Variants in SLC9A9 observed in about 807,000 individuals in gnomAD.
The protein encoded by SLC9A9 is solute carrier family 9 member A9, also known as sodium/hydrogen exchanger 9.
SLC9A9 carries 62 observed loss-of-function variants against 77.8 expected under a neutral mutation model. That is an observed-to-expected ratio of 0.80 (90% CI 0.65 to 0.98). The LOEUF (loss-of-function observed/expected upper bound fraction) is 0.98, where lower values mean the gene tolerates loss of function less well. SLC9A9 is among the 50% of genes least tolerant of loss of function. The pLI is 0.00. For synonymous variants in SLC9A9, 320 were observed against 283.5 expected (o/e 1.13, Z -1.29); for missense variants, 775 against 774.9 (o/e 1.00, Z 0.00).
intron 4 of SLC9A9, among the ~76,000 whole-genome samples, chr3:143,712,025 C>T (rs1934210394): frequency 6.6e-6 from 1 of 152,302 alleles, no homozygotes; most frequent in African/African-American, 2.4e-5. Context: ...GCAACCTACC[C>T]ACTAATCCCT....
At chr3:143,585,963 C>T (rs1044174153) in intron 6 of SLC9A9, among the ~76,000 whole-genome samples, 1 of 152,248 alleles carries the variant, frequency 6.6e-6, no homozygotes, top group Admixed American at 6.5e-5. Context: ...CAGCCTCTGT[C>T]CTTGCAGGTG....
Position 143,265,901 on chromosome 3 carries a change from C to A in SLC9A9, c.*801G>T, listed in dbSNP as rs1937696862. The stretch of plus-strand genomic sequence containing the variant: ...CAGCATATCGCGGGGAGGGGGGGAC[C>A]TGCTGCACAGCCAAGAAGTGACTCA... On this transcript the variant is annotated 3_prime_UTR_variant, in exon 16 of 16. Coordinates refer to ENST00000316549, the MANE Select transcript of SLC9A9 (RefSeq NM_173653.4). The A allele has an allele frequency of 1.6e-6, 1 of 611,730 alleles. No individual in the cohort carries two copies. 37.9% of individuals were successfully genotyped at this position (611,730 alleles called of 1,614,324 possible).
In SLC9A9 at chr3:143,392,230, C is replaced by T. The variant is rs181509906; in HGVS notation, c.1470-10116G>A. Among the ~76,000 whole-genome samples the T allele has an allele frequency of 4.8e-3, 724 of 152,220 alleles. 3 individuals are homozygous for T. The highest frequency in any genetic ancestry group is 0.016 in the African/African-American group (683 of 41,524). ...GGTCGGGTTACCCACAAAGGGAAGC[C>T]CATCAGACTAACAGCTGATGTTTCA... On this transcript the variant is annotated intron_variant, in intron 12 of 15. Coordinates refer to ENST00000316549, the MANE Select transcript of SLC9A9 (RefSeq NM_173653.4).
At chr3:143,566,723 G>A (rs1450111194) in intron 8 of SLC9A9, among the ~76,000 whole-genome samples, 2 of 152,084 alleles carry the variant, frequency 1.3e-5, no homozygotes, top group Non-Finnish European at 2.9e-5. Flanking sequence ...AAAAATGGAA[G>A]CTGTCTTTAT....
intron 2 of SLC9A9, among the ~76,000 whole-genome samples, chr3:143,827,160 A>T (rs2009320335): frequency 6.6e-6 from 1 of 152,240 alleles, no homozygotes; most frequent in South Asian, 2.1e-4. Context: ...ACATTTTGGT[A>T]TTCCTAAATA....
At chr3:143,680,878 T>G (rs1395701720) in intron 5 of SLC9A9, among the ~76,000 whole-genome samples, 2 of 152,190 alleles carry the variant, frequency 1.3e-5, no homozygotes, top group African/African-American at 4.8e-5. Flanking sequence ...TAAGTTCCCA[T>G]GCCCTCTAGC....
intron 8 of SLC9A9, among the ~76,000 whole-genome samples, chr3:143,570,505 A>T (rs1380748381): frequency 6.6e-6 from 1 of 152,186 alleles, no homozygotes; most frequent in Non-Finnish European, 1.5e-5. Context: ...AGGCAGTTAC[A>T]TAAATAAAAA....
intron 12 of SLC9A9, among the ~76,000 whole-genome samples, chr3:143,430,891 G>A (rs943923099): frequency 6.6e-6 from 1 of 152,120 alleles, no homozygotes; most frequent in Non-Finnish European, 1.5e-5. Context: ...CTGACATGCT[G>A]CTCTCTTCCT....
At chr3:143,735,348 A>G (rs1934914127) in intron 4 of SLC9A9, among the ~76,000 whole-genome samples, 1 of 152,202 alleles carries the variant, frequency 6.6e-6, no homozygotes, top group African/African-American at 2.4e-5. Flanking sequence ...GAATTACTCA[A>G]TAAGTAATAT....
At chr3:143,614,741 C>G (rs115188558) in intron 6 of SLC9A9, among the ~76,000 whole-genome samples, 1 of 152,020 alleles carries the variant, frequency 6.6e-6, no homozygotes, top group Admixed American at 6.5e-5. Flanking sequence ...ATTCAGATTC[C>G]ACATTTATGG....
At chr3:143,738,600 C>T (rs1366062546) in intron 4 of SLC9A9, among the ~76,000 whole-genome samples, 1 of 152,156 alleles carries the variant, frequency 6.6e-6, no homozygotes, top group African/African-American at 2.4e-5. Flanking sequence ...AATTCTGGTA[C>T]TATCTACCTG....
chr3:143,295,703 C>A lies in SLC9A9; in HGVS notation c.1605-26723G>T, dbSNP rs553751578. The stretch of plus-strand genomic sequence containing the variant: ...TAGCTAACCTTTATCATCACCTACA[C>A]CCTCTTGTAGGTCATTTCTCCCTTC... On this transcript the variant is annotated intron_variant, in intron 14 of 15. Transcript: ENST00000316549. 1.8e-4 allele frequency among the ~76,000 whole-genome samples: 28 copies of A among 152,298 alleles called. No homozygotes were observed. The South Asian group carries it at 5.2e-3, about 28-fold the overall frequency.
chr3:143,635,199 G>A (rs1017747874), intron 6 of SLC9A9, among the ~76,000 whole-genome samples: 4 of 152,148 alleles, frequency 2.6e-5, no homozygotes, highest in Non-Finnish European at 5.9e-5. Flanking sequence ...GCTGGCTGTC[G>A]CTCCCTCTCC....
At chr3:143,439,787 C>G (rs1370777774) in intron 12 of SLC9A9, among the ~76,000 whole-genome samples, 1 of 133,360 alleles carries the variant, frequency 7.5e-6, no homozygotes, top group Non-Finnish European at 1.8e-5. Context: ...CTGGAGTAGC[C>G]TCTTAAGGGC....
intron 13 of SLC9A9, among the ~76,000 whole-genome samples, chr3:143,367,773 A>G (rs1297841723): frequency 2.0e-5 from 3 of 152,210 alleles, no homozygotes; most frequent in Non-Finnish European, 2.9e-5. Context: ...GTGAGCAGTC[A>G]TCACAAGTTG....
At chr3:143,316,555 G>T (rs990610327) in intron 14 of SLC9A9, among the ~76,000 whole-genome samples, 1 of 152,114 alleles carries the variant, frequency 6.6e-6, no homozygotes, top group Admixed American at 6.6e-5. Context: ...ATTGCCTTGG[G>T]GATATACCTT....
chr3:143,726,620 A>G (rs867403680), intron 4 of SLC9A9, among the ~76,000 whole-genome samples: 79 of 152,312 alleles, frequency 5.2e-4, no homozygotes, highest in African/African-American at 1.8e-3. Context: ...TTGTCCATGA[A>G]TAAGCTATAA....
chr3:143,485,754 C>G (rs2108584716), intron 11 of SLC9A9, among the ~76,000 whole-genome samples: 1 of 151,890 alleles, frequency 6.6e-6, no homozygotes, highest in South Asian at 2.1e-4. Flanking sequence ...AAAAAAATAA[C>G]AGAAACTATC....
chr3:143,275,710 TCTTAA>T (rs1307521478), intron 14 of SLC9A9, among the ~76,000 whole-genome samples: 6 of 152,212 alleles, frequency 3.9e-5, no homozygotes, highest in African/African-American at 9.6e-5. Flanking sequence ...TTTCTTAGTC[TCTTAA>T]CTTGTTTGAT....
Sources: gnomAD v4.1 joint callset for allele counts (sites outside exome capture counted in the v4.1 genomes callset) on GRCh38, gnomAD v4.1.1 for gene constraint, MANE v1.5 for transcripts, NCBI Gene and HGNC (gene_info 2026-07-23, HGNC 2026-07-21) for gene names.